VGLL4: variants seen among roughly 807,000 people sequenced by gnomAD.
VGLL4 encodes the protein transcription cofactor vestigial-like protein 4.
In VGLL4, 7 loss-of-function variants were observed where a neutral mutation model predicts 21.0. The ratio of observed to expected loss-of-function variants is 0.33; its 90% CI spans 0.19 to 0.63. VGLL4 has a LOEUF of 0.63. Among genes scored for constraint, VGLL4 ranks in the 20% least tolerant of loss-of-function variants. VGLL4 has a pLI of 0.78. For synonymous variants in VGLL4, 222 were observed against 173.2 expected (o/e 1.28, Z -2.21); for missense variants, 394 against 425.7 (o/e 0.93, Z 0.66).
intron 2 of VGLL4, among the ~76,000 whole-genome samples, chr3:11,687,193 G>T (rs577425195): frequency 6.6e-6 from 1 of 151,944 alleles, no homozygotes; most frequent in Non-Finnish European, 1.5e-5. Context: ...AAATTTTTCA[G>T]GTAAACTTAA....
At chr3:11,706,360 A>C (rs2076760981) in intron 1 of VGLL4, among the ~76,000 whole-genome samples, 1 of 152,244 alleles carries the variant, frequency 6.6e-6, no homozygotes, top group Admixed American at 6.5e-5. Flanking sequence ...TAAGCTCAGC[A>C]AAGTGCCCAG....
intron 2 of VGLL4, among the ~76,000 whole-genome samples, chr3:11,675,958 C>T (rs536414919): frequency 6.6e-6 from 1 of 152,312 alleles, no homozygotes; most frequent in African/African-American, 2.4e-5. Context: ...TTGCCTTCAA[C>T]AGAACCTAAT....
intron 2 of VGLL4, among the ~76,000 whole-genome samples, chr3:11,678,909 C>A (rs748312716): frequency 1.3e-5 from 2 of 152,144 alleles, no homozygotes; most frequent in African/African-American, 2.4e-5. Context: ...CTAAAAAATT[C>A]CTACTGCCTA....
At chr3:11,603,021 A>C (rs1025885834) in intron 1 of VGLL4, among the ~76,000 whole-genome samples, 5 of 152,166 alleles carry the variant, frequency 3.3e-5, no homozygotes, top group Non-Finnish European at 7.3e-5. Context: ...TCACAATTTG[A>C]GAGTAATACG....
chr3:11,609,901 T>G (rs891992504), intron 1 of VGLL4, among the ~76,000 whole-genome samples: 1 of 152,210 alleles, frequency 6.6e-6, no homozygotes, highest in Admixed American at 6.5e-5. Flanking sequence ...GCTGTAACTT[T>G]TAAGGATAGA....
rs1287037840 is a variant in VGLL4 at position 11,578,068 on chromosome 3, C to T, written c.273-13049G>A. On this transcript the variant is annotated intron_variant, in intron 2 of 4. Transcript: ENST00000430365. ...TCACTCCCTTCCATTTATCGTAGCA[C>T]GTTTCTGAACGAAACACCAGCGTAG... Among the ~76,000 whole-genome samples the T allele has an allele frequency of 5.3e-5, 8 of 152,180 alleles. No homozygotes were observed. In the East Asian group the frequency reaches 5.8e-4, roughly 11 times the overall value.
intron 3 of VGLL4, among the ~76,000 whole-genome samples, chr3:11,562,323 C>T (rs1281944264): frequency 6.6e-6 from 1 of 152,176 alleles, no homozygotes. Context: ...TTTCTGTAGC[C>T]TCCCCATACA....
Position 11,559,473 on chromosome 3 carries a change from G to A in VGLL4, c.496-18C>T, listed in dbSNP as rs1575343580. On this transcript the variant is annotated intron_variant, in intron 3 of 4. Transcript: ENST00000430365. ...GGCCGGTTCTGCGGGGAGGAGGGGT[G>A]TCAGTATGTGGAGACCAGCTTCAGT... 1 of 1,544,028 alleles carries A rather than the reference G, an allele frequency of 6.5e-7. No individual in the cohort carries two copies. Among genetic ancestry groups the A allele is most frequent in the African/African-American group, 1.4e-5 (1 of 73,302 alleles).
chr3:11,559,303 T>C (rs1389447561), intron 4 of VGLL4, 29 bp downstream of exon 4: 2 of 1,511,170 alleles, frequency 1.3e-6, no homozygotes, highest in East Asian at 2.5e-5. Flanking sequence ...AGCACAGCTG[T>C]GACAGGTGAG....
At position 11,573,296 on chromosome 3, in the gene VGLL4, AAAGAAAGAAAGGAAGGAAGG is replaced by A. The variant is rs1559869882; in HGVS notation, c.273-8297_273-8278del. 4.2e-3 allele frequency among the ~76,000 whole-genome samples: 48 copies of A among 11,354 alleles called. 7 individuals are homozygous for A. The highest frequency in any genetic ancestry group is 0.029 in the East Asian group (13 of 444). The allele number at this position is 11,354 out of a possible 152,430, so 7.4% of individuals were successfully genotyped here. A position where few individuals can be genotyped will look rare whatever the true frequency, so the allele number is the denominator to read the frequency against. On this transcript the variant is annotated intron_variant, in intron 2 of 4. Coordinates refer to ENST00000430365, the MANE Select transcript of VGLL4 (RefSeq NM_001128219.3). ...GAAAGAAAGAAAGAAAGAAAGAAAGAAAGAAAGAAAGGAAGGAAGGAAGAAAGAAAGAAAGAAAGAAAGAA... is the reference window on the plus strand; with the variant it reads ...GAAAGAAAGAAAGAAAGAAAGAAAGAAAGAAAGAAAGAAAGAAAGAAAGAA...
intron 2 of VGLL4, among the ~76,000 whole-genome samples, chr3:11,692,307 TG>T (rs2076537783): frequency 6.6e-6 from 1 of 152,176 alleles, no homozygotes; most frequent in Non-Finnish European, 1.5e-5. Flanking sequence ...GCAGAGACAC[TG>T]GTAGTAGCTG....
At chr3:11,692,649 A>G (rs1246080967) in intron 2 of VGLL4, among the ~76,000 whole-genome samples, 6 of 150,038 alleles carry the variant, frequency 4.0e-5, no homozygotes, top group Middle Eastern at 3.4e-3. Flanking sequence ...CCTGGGAACT[A>G]CTGTTCTGAT....
rs180942960 is a variant in VGLL4, at chr3:11,655,342, C to A, written c.64+47629G>T. On this transcript the variant is annotated intron_variant, in intron 2 of 5. Transcript: ENST00000273038. ...AGGGCACCTGGCTGCTTTTCATACC[C>A]ACCAGAGTTCAACATCCCAATGAGT... Among the ~76,000 whole-genome samples, 969 of 152,316 alleles carry A rather than the reference C, an allele frequency of 6.4e-3. 12 individuals carry two copies. Among genetic ancestry groups the A allele is most frequent in the Non-Finnish European group, 0.011 (716 of 68,034 alleles).
intron 1 of VGLL4, among the ~76,000 whole-genome samples, chr3:11,603,168 T>C (rs913801036): frequency 3.3e-5 from 5 of 152,222 alleles, no homozygotes; most frequent in Admixed American, 1.3e-4. Flanking sequence ...ATGACAAATA[T>C]GATTTTGTTG....
At chr3:11,668,958 C>T (rs938856172) in intron 2 of VGLL4, among the ~76,000 whole-genome samples, 1 of 152,206 alleles carries the variant, frequency 6.6e-6, no homozygotes, top group Non-Finnish European at 1.5e-5. Context: ...TCAATACCAA[C>T]CAGGCTGAAA....
intron 1 of VGLL4, among the ~76,000 whole-genome samples, chr3:11,617,142 T>C (rs973783751): frequency 1.4e-4 from 22 of 152,122 alleles, no homozygotes; most frequent in Non-Finnish European, 2.6e-4. Context: ...ACAATAATTC[T>C]AACTCTAACA....
chr3:11,670,942 CAGA>C (rs1475660114), intron 2 of VGLL4, among the ~76,000 whole-genome samples: 5 of 152,178 alleles, frequency 3.3e-5, no homozygotes, highest in African/African-American at 4.8e-5. Context: ...GAGGCTGAGG[CAGA>C]AGAATTGCTT....
intron 2 of VGLL4, among the ~76,000 whole-genome samples, chr3:11,578,233 C>A (rs1404335868): frequency 2.0e-5 from 3 of 152,210 alleles, no homozygotes; most frequent in African/African-American, 7.2e-5. Context: ...ACATAAAAGT[C>A]TCCAATCCTT....
In VGLL4 at chr3:11,558,379, CG is replaced by C. The variant is rs1301024325; in HGVS notation, c.*176del. 12 of 1,067,388 alleles carry C rather than the reference CG, an allele frequency of 1.1e-5. No homozygotes were observed. The South Asian group carries it at 2.0e-4, about 18-fold the overall frequency. 66.1% of individuals were successfully genotyped at this position (1,067,388 alleles called of 1,614,324 possible). On this transcript the variant is annotated 3_prime_UTR_variant, in exon 5 of 5. Coordinates refer to ENST00000430365, the MANE Select transcript of VGLL4 (RefSeq NM_001128219.3). ...TATCATGTTTGAGGGCCCCCTTGTA[CG>C]GATACCAAGCAAGTACAAAAACAGA...
Sources: gnomAD v4.1 joint callset for allele counts (sites outside exome capture counted in the v4.1 genomes callset) on GRCh38, gnomAD v4.1.1 for gene constraint, MANE v1.5 for transcripts, NCBI Gene and HGNC (gene_info 2026-07-23, HGNC 2026-07-21) for gene names.